Variants in HIVEP1 observed in about 807,000 individuals in gnomAD.
The protein encoded by HIVEP1 is HIVEP zinc finger 1.
Under a neutral mutation model 180.0 loss-of-function variants are expected in HIVEP1, and 36 were observed. That is an observed-to-expected ratio of 0.20 (90% CI 0.15 to 0.26). HIVEP1 has a LOEUF of 0.26. HIVEP1 is among the 10% of genes least tolerant of loss of function. The pLI, the probability that HIVEP1 is intolerant of heterozygous loss-of-function variation, is 1.00. For synonymous variants in HIVEP1, 1,239 were observed against 1,239.0 expected (o/e 1.00, Z 0.00); for missense variants, 3,143 against 3,268.7 (o/e 0.96, Z 0.94).
chr6:12,085,245 T>C (rs1420124998), intron 2 of HIVEP1, among the ~76,000 whole-genome samples: 8 of 150,874 alleles, frequency 5.3e-5, no homozygotes, highest in African/African-American at 2.0e-4. Flanking sequence ...TGGACAAGGG[T>C]GTTAGGGAAG....
intron 7 of HIVEP1, among the ~76,000 whole-genome samples, chr6:12,140,600 T>C (rs553197713): frequency 6.9e-4 from 105 of 152,278 alleles, no homozygotes; most frequent in African/African-American, 2.2e-3. Context: ...TTGAACCCAT[T>C]GCAAGGAAGC....
Position 12,100,521 on chromosome 6 carries a change from G to A in HIVEP1, c.94+11284G>A, listed in dbSNP as rs147823509. 9.3e-3 allele frequency among the ~76,000 whole-genome samples: 1,422 copies of A among 152,264 alleles called. 21 individuals carry two copies. The highest frequency in any genetic ancestry group is 0.031 in the African/African-American group (1,287 of 41,550). ...GAGACAGACATAACACTGACTGGAC[G>A]CTAATCCTAAGTTTAGAGATCCTAG... On this transcript the variant is annotated intron_variant, in intron 3 of 8. Transcript: ENST00000379388.
intron 2 of HIVEP1, among the ~76,000 whole-genome samples, chr6:12,017,515 G>C (rs1767881347): frequency 6.6e-6 from 1 of 152,074 alleles, no homozygotes; most frequent in Admixed American, 6.5e-5. Context: ...TCCACAGTCT[G>C]CAAGGGGACC....
intron 2 of HIVEP1, among the ~76,000 whole-genome samples, chr6:12,040,572 C>G (rs922700080): frequency 1.3e-5 from 2 of 152,160 alleles, no homozygotes; most frequent in Non-Finnish European, 2.9e-5. Flanking sequence ...TTCACACACT[C>G]TTTGTGAAAC....
intron 7 of HIVEP1, among the ~76,000 whole-genome samples, chr6:12,156,769 G>T (rs141032681): frequency 6.6e-6 from 1 of 152,106 alleles, no homozygotes; most frequent in African/African-American, 2.4e-5. Context: ...TCAGAATATG[G>T]TATGTACTGG....
At chr6:12,132,004 T>C (rs1181576151) in intron 6 of HIVEP1, among the ~76,000 whole-genome samples, 1 of 152,190 alleles carries the variant, frequency 6.6e-6, no homozygotes. Context: ...AAATTAGTAC[T>C]CTTTAAGTGC....
the HIVEP1 span, among the ~76,000 whole-genome samples, chr6:12,170,896 C>T: frequency 6.6e-6 from 1 of 152,156 alleles, no homozygotes; most frequent in Non-Finnish European, 1.5e-5. Flanking sequence ...AGGGTGGAAG[C>T]AATCACGAGT....
At chr6:12,049,994 G>A (rs984907630) in intron 2 of HIVEP1, among the ~76,000 whole-genome samples, 2 of 152,128 alleles carry the variant, frequency 1.3e-5, no homozygotes, top group Non-Finnish European at 2.9e-5. Flanking sequence ...GCTCTCTGGA[G>A]CATATATATC....
intron 2 of HIVEP1, among the ~76,000 whole-genome samples, chr6:12,036,469 A>G (rs886154752): frequency 2.0e-5 from 3 of 152,216 alleles, no homozygotes; most frequent in Non-Finnish European, 2.9e-5. Flanking sequence ...GCATCAATTG[A>G]GCATTTACCC....
intron 3 of HIVEP1, among the ~76,000 whole-genome samples, chr6:12,112,812 CCCCT>C (rs1774986782): frequency 6.6e-6 from 1 of 152,132 alleles, no homozygotes; most frequent in Non-Finnish European, 1.5e-5. Context: ...GTGTTTCCAG[CCCCT>C]CCCCCATGGC....
intron 2 of HIVEP1, among the ~76,000 whole-genome samples, chr6:12,037,097 C>A (rs1430321300): frequency 6.6e-6 from 1 of 152,112 alleles, no homozygotes; most frequent in African/African-American, 2.4e-5. Context: ...ACCAAGTTAT[C>A]TCAGGGTGAC....
intron 2 of HIVEP1, among the ~76,000 whole-genome samples, chr6:12,068,625 A>G (rs982241154): frequency 2.0e-5 from 3 of 152,334 alleles, no homozygotes; most frequent in African/African-American, 7.2e-5. Flanking sequence ...ATATATGTGC[A>G]CACGTATTTG....
At chr6:12,084,407 G>C (rs1680418582) in intron 2 of HIVEP1, among the ~76,000 whole-genome samples, 1 of 152,126 alleles carries the variant, frequency 6.6e-6, no homozygotes, top group Non-Finnish European at 1.5e-5. Context: ...AAACTCGGAG[G>C]TTAAAATGGG....
chr6:12,066,023 T>C (rs375432161), intron 2 of HIVEP1, among the ~76,000 whole-genome samples: 42 of 151,912 alleles, frequency 2.8e-4, no homozygotes, highest in East Asian at 1.6e-3. Context: ...TAAAGGAACA[T>C]TGGGGAGGTG....
intron 2 of HIVEP1, among the ~76,000 whole-genome samples, chr6:12,081,011 A>C (rs544063366): frequency 6.6e-6 from 1 of 151,992 alleles, no homozygotes; most frequent in African/African-American, 2.4e-5. Context: ...CCCCCCTCCT[A>C]TTCAGCCATC....
chr6:12,081,632 A>G (rs1331657672), intron 2 of HIVEP1, among the ~76,000 whole-genome samples: 2 of 151,692 alleles, frequency 1.3e-5, no homozygotes, highest in East Asian at 3.9e-4. Context: ...GCCGCTCCAC[A>G]CCTCTTATTC....
chr6:12,118,897 A>C (rs926737898), intron 3 of HIVEP1, among the ~76,000 whole-genome samples: 1 of 152,216 alleles, frequency 6.6e-6, no homozygotes, highest in African/African-American at 2.4e-5. Flanking sequence ...TTGCATACTT[A>C]GAAATTTGCT....
intron 2 of HIVEP1, among the ~76,000 whole-genome samples, chr6:12,055,578 A>G (rs1264364642): frequency 6.6e-6 from 1 of 152,220 alleles, no homozygotes; most frequent in Non-Finnish European, 1.5e-5. Flanking sequence ...AGGATACAAT[A>G]TGGACATGGT....
At chr6:12,047,124 G>A (rs1770192440) in intron 2 of HIVEP1, among the ~76,000 whole-genome samples, 1 of 152,066 alleles carries the variant, frequency 6.6e-6, no homozygotes, top group Non-Finnish European at 1.5e-5. Flanking sequence ...CTCCCAAAGT[G>A]CTGGGATTAC....
Sources: allele counts gnomAD v4.1 joint callset (sites outside exome capture counted in the v4.1 genomes callset), GRCh38; gene constraint gnomAD v4.1.1; transcripts MANE v1.5; gene names NCBI Gene and HGNC (gene_info 2026-07-23, HGNC 2026-07-21).